BEGAIN: variants seen among roughly 807,000 people sequenced by gnomAD.
BEGAIN encodes brain-enriched guanylate kinase-associated protein.
A neutral mutation model predicts 35.8 loss-of-function variants in BEGAIN; 19 were observed. The observed-to-expected ratio is 0.53, with a 90% CI of 0.37 to 0.78. BEGAIN has a LOEUF of 0.78. Among genes scored for constraint, BEGAIN ranks in the 30% least tolerant of loss-of-function variants. The pLI is 0.00. For missense variants in BEGAIN, 795 were observed against 853.6 expected, an observed-to-expected ratio of 0.93 and a Z score of 0.85; for synonymous variants, 462 against 388.6, an observed-to-expected ratio of 1.19 and a Z score of -2.22.
Position 100,573,140 on chromosome 14 carries a change from A to T in BEGAIN, c.43-5201T>A, listed in dbSNP as rs1376978217. Among the ~76,000 whole-genome samples the T allele has an allele frequency of 6.6e-6, 1 of 150,882 alleles. No individual in the cohort carries two copies. The highest frequency in any genetic ancestry group is 2.4e-5 in the African/African-American group (1 of 41,064). On this transcript the variant is annotated intron_variant, in intron 1 of 6. Transcript: ENST00000554140. The surrounding 1 kb of genome is among the most constrained non-coding windows in gnomAD (Gnocchi z 4.2). ...TGAAGTGAGCTGAGCCCAGTAGCAGATGAATCCCAAGGGGCCACTGGAGGA... is the reference window on the plus strand; with the variant it reads ...TGAAGTGAGCTGAGCCCAGTAGCAGTTGAATCCCAAGGGGCCACTGGAGGA...
intron 5 of BEGAIN, among the ~76,000 whole-genome samples, chr14:100,543,300 T>C (rs1245836787): frequency 6.7e-6 from 1 of 150,238 alleles, no homozygotes; most frequent in Non-Finnish European, 1.5e-5. Context: ...AGGTGTTTTT[T>C]TTTTTGTTTT....
At chr14:100,555,388 C>T (rs557745978) in intron 2 of BEGAIN, among the ~76,000 whole-genome samples, 3 of 152,368 alleles carry the variant, frequency 2.0e-5, no homozygotes, top group South Asian at 2.1e-4. Flanking sequence ...GCCTCTCTGT[C>T]CCCTCCAACT....
rs2035071366 is a variant in BEGAIN, at chr14:100,571,188, C to T, written c.43-3249G>A. On this transcript the variant is annotated intron_variant, in intron 1 of 6. Transcript: ENST00000554140. ...CCCACCGTCTGCCTTAAGTCCCTAC[C>T]TCTTTCTGGTGGTCCAGCCCAGCAG... 2.0e-5 allele frequency among the ~76,000 whole-genome samples: 3 copies of T among 152,304 alleles called. No individual in the cohort carries two copies. In the South Asian group the frequency reaches 6.2e-4, roughly 32 times the overall value.
At chr14:100,559,431 C>T (rs2034044575) in intron 2 of BEGAIN, among the ~76,000 whole-genome samples, 1 of 152,230 alleles carries the variant, frequency 6.6e-6, no homozygotes, top group African/African-American at 2.4e-5. Flanking sequence ...GCCCCATAGC[C>T]AGGAACGAGC....
At chr14:100,552,891 G>T (rs2140619723) in intron 2 of BEGAIN, among the ~76,000 whole-genome samples, 1 of 152,360 alleles carries the variant, frequency 6.6e-6, no homozygotes, top group Admixed American at 6.5e-5. Context: ...CACCAAGGCT[G>T]ACCTGCCAAG....
rs2034895153 is a variant in BEGAIN at position 100,568,309 on chromosome 14, C to T, written c.43-370G>A. The T allele has an allele frequency of 1.3e-6, 1 of 745,718 alleles. No individual in the cohort carries two copies. Among genetic ancestry groups the T allele is most frequent in the Non-Finnish European group, 1.9e-6 (1 of 520,048 alleles). 46.2% of individuals were successfully genotyped at this position (745,718 alleles called of 1,614,324 possible). ...TCCGGCGGCCGCGGCCCCGCTGCTC[C>T]CCCCGCCCCGCCCGTTAACCCTTCC... On this transcript the variant is annotated intron_variant, in intron 1 of 6. Coordinates refer to ENST00000554140, the MANE Select transcript of BEGAIN (RefSeq NM_001385089.1). The surrounding 1 kb of genome is among the most constrained non-coding windows in gnomAD (Gnocchi z 7.5).
intron 5 of BEGAIN, among the ~76,000 whole-genome samples, chr14:100,542,448 C>T (rs1016679192): frequency 5.9e-5 from 9 of 152,228 alleles, no homozygotes; most frequent in African/African-American, 9.6e-5. Context: ...CAGTCTCCGC[C>T]GGCATGCCGG....
At chr14:100,555,411 G>A (rs2033618161) in intron 2 of BEGAIN, among the ~76,000 whole-genome samples, 3 of 152,224 alleles carry the variant, frequency 2.0e-5, no homozygotes, top group Admixed American at 6.5e-5. Flanking sequence ...CTCCTGCTGC[G>A]CTGACTCTGT....
rs12893951 is a variant in BEGAIN at position 100,538,878 on chromosome 14, T to C, written c.930A>G (p.Ala310=). 0.45 allele frequency: 723,669 copies of C among 1,605,302 alleles called. 175,974 individuals are homozygous for C. The highest frequency in any genetic ancestry group is 0.9 in the African/African-American group (67,143 of 74,822). The change falls in exon 7 of 7, where the codon GCA becomes GCG. Residue 310 remains alanine (A), a synonymous_variant. Coordinates refer to ENST00000554140, the MANE Select transcript of BEGAIN (RefSeq NM_001385089.1). ...GFQHEAFPSY[A]GSLPTSSSYS... Reference sequence around the variant, plus strand: ...AGGAGCTGGACGTGGGCAGTGAGCCTGCGTAGCTGGGGAAGGCCTCATGCT... The same window carrying C: ...AGGAGCTGGACGTGGGCAGTGAGCCCGCGTAGCTGGGGAAGGCCTCATGCT...
chr14:100,566,519 C>A (rs112203900), intron 2 of BEGAIN, among the ~76,000 whole-genome samples: 2,508 of 152,302 alleles, frequency 0.016, 43 homozygotes, highest in South Asian at 0.082. Context: ...TTTCCTCCCC[C>A]CCACAGGCGG....
intron 5 of BEGAIN, among the ~76,000 whole-genome samples, chr14:100,543,398 T>C (rs1355482154): frequency 6.6e-6 from 1 of 151,938 alleles, no homozygotes; most frequent in East Asian, 1.9e-4. Context: ...CAGAGGCAGC[T>C]GTCCAGGGTC....
rs1310496260 is a variant in BEGAIN, at chr14:100,586,338, C to A, written c.42+911G>T. Among the ~76,000 whole-genome samples, 3 of 152,212 alleles carry A rather than the reference C, an allele frequency of 2.0e-5. No homozygotes were observed. Among genetic ancestry groups the A allele is most frequent in the Non-Finnish European group, 4.4e-5 (3 of 68,030 alleles). On this transcript the variant is annotated intron_variant, in intron 1 of 6. Transcript: ENST00000554140. The surrounding 1 kb of genome is among the most constrained non-coding windows in gnomAD (Gnocchi z 4.9). Reference sequence around the variant, plus strand: ...CCCATACCCCCAGGGCCTGGACCCCCAGTCTGCACTGGCGGCCGACCTTGG... The same window carrying A: ...CCCATACCCCCAGGGCCTGGACCCCAAGTCTGCACTGGCGGCCGACCTTGG...
chr14:100,568,740 G>A lies in BEGAIN; in HGVS notation c.43-801C>T, dbSNP rs1479504378. Among the ~76,000 whole-genome samples the A allele has an allele frequency of 6.6e-6, 1 of 151,770 alleles. No individual in the cohort carries two copies. Among genetic ancestry groups the A allele is most frequent in the Non-Finnish European group, 1.5e-5 (1 of 67,898 alleles). On this transcript the variant is annotated intron_variant, in intron 1 of 6. Coordinates refer to ENST00000554140, the MANE Select transcript of BEGAIN (RefSeq NM_001385089.1). This position sits in a 1 kb window ranked among gnomAD's most constrained non-coding sequence, Gnocchi z 7.5. Reference sequence around the variant, plus strand: ...CGGGCGAGCGACGGGGACCGCGAGCGGCCCGGGCGGGATCGCACTTCCTGC... The same window carrying A: ...CGGGCGAGCGACGGGGACCGCGAGCAGCCCGGGCGGGATCGCACTTCCTGC...
rs377286507 is a variant in BEGAIN at position 100,558,988 on chromosome 14, G to C, written c.71+8923C>G. Among the ~76,000 whole-genome samples, 2 of 152,164 alleles carry C rather than the reference G, an allele frequency of 1.3e-5. No homozygotes were observed. Among genetic ancestry groups the C allele is most frequent in the Non-Finnish European group, 1.5e-5 (1 of 68,024 alleles). On this transcript the variant is annotated intron_variant, in intron 2 of 6. Coordinates refer to ENST00000554140, the MANE Select transcript of BEGAIN (RefSeq NM_001385089.1). The surrounding 1 kb of genome is among the most constrained non-coding windows in gnomAD (Gnocchi z 4.6). ...GGAGCCTGGGGCCTGGGGGTTGTTG[G>C]GGGGAGCAGACAAGGGGTGGGCCTG... is the stretch of plus-strand genomic sequence containing the variant.
Position 100,568,803 on chromosome 14 carries a change from G to C in BEGAIN, c.43-864C>G. On this transcript the variant is annotated intron_variant, in intron 1 of 6. Transcript: ENST00000554140. This position sits in a 1 kb window ranked among gnomAD's most constrained non-coding sequence, Gnocchi z 7.5. ...GCGCCGGGCGGGCTCTCTATCACCCGGGAGAGGCCGCTCCCCGGGGCTTTG... is the reference window on the plus strand; with the variant it reads ...GCGCCGGGCGGGCTCTCTATCACCCCGGAGAGGCCGCTCCCCGGGGCTTTG... 1 of 940,586 alleles carries C rather than the reference G, an allele frequency of 1.1e-6. No homozygotes were observed. The highest frequency in any genetic ancestry group is 1.3e-6 in the Non-Finnish European group (1 of 788,650). 58.3% of individuals were successfully genotyped at this position (940,586 alleles called of 1,614,324 possible). A position where few individuals can be genotyped will look rare whatever the true frequency, so the allele number is the denominator to read the frequency against.
intron 2 of BEGAIN, among the ~76,000 whole-genome samples, chr14:100,551,803 T>C (rs2033229958): frequency 6.6e-6 from 1 of 151,994 alleles, no homozygotes; most frequent in Non-Finnish European, 1.5e-5. Context: ...CGCACATTGA[T>C]CACTGGATTC....
At position 100,568,329 on chromosome 14, in the gene BEGAIN, CCTT is replaced by C; in HGVS notation, c.43-393_43-391del. The C allele has an allele frequency of 1.1e-6, 1 of 886,544 alleles. No individual in the cohort carries two copies. The highest frequency in any genetic ancestry group is 1.6e-6 in the Non-Finnish European group (1 of 641,230). 54.9% of individuals were successfully genotyped at this position (886,544 alleles called of 1,614,324 possible). On this transcript the variant is annotated intron_variant, in intron 1 of 6. Coordinates refer to ENST00000554140, the MANE Select transcript of BEGAIN (RefSeq NM_001385089.1). The surrounding 1 kb of genome is among the most constrained non-coding windows in gnomAD (Gnocchi z 7.5). Reference sequence around the variant, plus strand: ...TGCTCCCCCCGCCCCGCCCGTTAACCCTTCCTGCCCCGCGCTCCCTCCCGGAGG... The same window carrying C: ...TGCTCCCCCCGCCCCGCCCGTTAACCCCTGCCCCGCGCTCCCTCCCGGAGG...
intron 5 of BEGAIN, among the ~76,000 whole-genome samples, chr14:100,543,348 C>T (rs1477590505): frequency 6.7e-6 from 1 of 149,690 alleles, no homozygotes; most frequent in Non-Finnish European, 1.5e-5. Flanking sequence ...CATCTTGGAG[C>T]CTAGTAGGGT....
At chr14:100,559,355 T>C (rs1427557719) in intron 2 of BEGAIN, among the ~76,000 whole-genome samples, 1 of 152,202 alleles carries the variant, frequency 6.6e-6, no homozygotes, top group African/African-American at 2.4e-5. Context: ...CCGGATCCCC[T>C]GCCTCACCCT....
Sources: allele counts gnomAD v4.1 joint callset (sites outside exome capture counted in the v4.1 genomes callset), GRCh38; gene constraint gnomAD v4.1.1; non-coding constraint Gnocchi (gnomAD v3.1); transcripts MANE v1.5; gene names NCBI Gene and HGNC (gene_info 2026-07-23, HGNC 2026-07-21).